The following SKAP1 variants were observed in gnomAD, a reference collection of about 807,000 sequenced individuals.
SKAP1 encodes the protein src kinase associated phosphoprotein 1.
SKAP1 carries 44 observed loss-of-function variants against 58.5 expected under a neutral mutation model. The observed-to-expected ratio is 0.75, with a 90% CI of 0.59 to 0.97. The LOEUF is 0.97. SKAP1 is among the 50% of genes least tolerant of loss of function. The probability of loss-of-function intolerance (pLI) is 0.00; values close to 1 mark genes in which losing one functional copy is unlikely to be tolerated. For synonymous variants in SKAP1, 127 were observed against 149.7 expected (o/e 0.85, Z 1.11); for missense variants, 390 against 435.2 (o/e 0.90, Z 0.92).
intron 4 of SKAP1, among the ~76,000 whole-genome samples, chr17:48,286,318 A>T (rs1398971271): frequency 1.3e-5 from 2 of 152,220 alleles, no homozygotes; most frequent in Non-Finnish European, 2.9e-5. Context: ...AATATATAAC[A>T]AGATTTATTT....
chr17:48,164,395 G>C (rs1217517284), intron 10 of SKAP1, among the ~76,000 whole-genome samples: 1 of 152,140 alleles, frequency 6.6e-6, no homozygotes, highest in South Asian at 2.1e-4. Context: ...GGTTATCTTG[G>C]TCTTTTCTGG....
At chr17:48,233,276 A>G (rs560730435) in intron 4 of SKAP1, among the ~76,000 whole-genome samples, 42 of 152,316 alleles carry the variant, frequency 2.8e-4, no homozygotes, top group African/African-American at 9.1e-4. Context: ...AAATGGGGCT[A>G]CTTTGCAATG....
the SKAP1 span, among the ~76,000 whole-genome samples, chr17:48,439,940 G>C: frequency 6.6e-6 from 1 of 152,074 alleles, no homozygotes; most frequent in Non-Finnish European, 1.5e-5. Flanking sequence ...TACAAACCTG[G>C]CTCTACTAAA....
rs986772677 is a variant in SKAP1 at position 48,430,186 on chromosome 17, G to A, written c.-66C>T. 22 of 1,220,146 alleles carry A rather than the reference G, an allele frequency of 1.8e-5. No homozygotes were observed. The highest frequency in any genetic ancestry group is 2.2e-5 in the Non-Finnish European group (21 of 967,778). 75.6% of individuals were successfully genotyped at this position (1,220,146 alleles called of 1,614,324 possible). On this transcript the variant is annotated 5_prime_UTR_variant, in exon 1 of 13. Coordinates refer to ENST00000336915, the MANE Select transcript of SKAP1 (RefSeq NM_003726.4). The stretch of plus-strand genomic sequence containing the variant: ...GGTCGGGAGGCGGACGGGCTGGAAG[G>A]CGACCCGGCTGCACCGCGAGGCACC...
intron 4 of SKAP1, among the ~76,000 whole-genome samples, chr17:48,336,687 C>T (rs1315636669): frequency 4.4e-5 from 2 of 45,922 alleles, no homozygotes; most frequent in Admixed American, 1.8e-4. Context: ...AGCGTAATCA[C>T]TATATTTGAT....
intron 4 of SKAP1, among the ~76,000 whole-genome samples, chr17:48,283,487 G>T (rs1479769285): frequency 1.3e-5 from 2 of 152,168 alleles, no homozygotes; most frequent in African/African-American, 4.8e-5. Flanking sequence ...TCTGACTCTA[G>T]GTGCTTATAA....
chr17:48,240,698 A>G (rs912727545), intron 4 of SKAP1, among the ~76,000 whole-genome samples: 1 of 152,226 alleles, frequency 6.6e-6, no homozygotes, highest in South Asian at 2.1e-4. Context: ...GTGTTGTTCC[A>G]GTGGAATTAC....
chr17:48,380,796 G>A (rs148114333), intron 2 of SKAP1, among the ~76,000 whole-genome samples: 1 of 152,284 alleles, frequency 6.6e-6, no homozygotes, highest in African/African-American at 2.4e-5. Flanking sequence ...ATGAAACAAA[G>A]TTGAAAGTTG....
chr17:48,139,302 CT>C (rs1418638374), intron 11 of SKAP1, among the ~76,000 whole-genome samples: 13 of 109,194 alleles, frequency 1.2e-4, no homozygotes, highest in Non-Finnish European at 2.7e-4. Context: ...CTGCTTCAGC[CT>C]CCTGAGTAGC....
intron 4 of SKAP1, among the ~76,000 whole-genome samples, chr17:48,313,002 T>A (rs529610532): frequency 6.6e-6 from 1 of 152,214 alleles, no homozygotes; most frequent in African/African-American, 2.4e-5. Context: ...AAATGCTCCA[T>A]TAAGGAGGTA....
intron 4 of SKAP1, among the ~76,000 whole-genome samples, chr17:48,249,695 G>A (rs1056086974): frequency 5.3e-5 from 8 of 150,774 alleles, no homozygotes; most frequent in African/African-American, 9.7e-5. Flanking sequence ...GAAGCCCCCC[G>A]CAAAAACCAC....
chr17:48,442,594 A>G, the SKAP1 span, among the ~76,000 whole-genome samples: 1 of 151,936 alleles, frequency 6.6e-6, no homozygotes, highest in Non-Finnish European at 1.5e-5. Flanking sequence ...TCTCCTTCCA[A>G]CTTCTCTAGG....
chr17:48,442,554 C>A, the SKAP1 span, among the ~76,000 whole-genome samples: 1 of 152,140 alleles, frequency 6.6e-6, no homozygotes, highest in African/African-American at 2.4e-5. Context: ...GACTCCACAA[C>A]CACTTGTCCC....
intron 12 of SKAP1, chr17:48,136,492 C>T (rs1460836818): frequency 6.6e-6 from 1 of 152,042 alleles, no homozygotes; most frequent in Non-Finnish European, 1.5e-5. Flanking sequence ...TTTTATCTTT[C>T]CTGCTGTGCT....
intron 2 of SKAP1, among the ~76,000 whole-genome samples, chr17:48,364,328 A>C (rs2066975238): frequency 2.0e-5 from 3 of 152,148 alleles, no homozygotes; most frequent in South Asian, 2.1e-4. Context: ...ATCATAGCTC[A>C]CTGCAGCCTC....
chr17:48,155,277 G>A (rs1461596006), intron 11 of SKAP1, among the ~76,000 whole-genome samples: 2 of 151,048 alleles, frequency 1.3e-5, no homozygotes, highest in East Asian at 2.1e-4. Context: ...ACAGGCACGC[G>A]CCACCATGCC....
chr17:48,190,854 A>G (rs9915133), intron 4 of SKAP1, among the ~76,000 whole-genome samples: 126,324 of 152,018 alleles, frequency 0.83, 52,552 homozygotes, highest in East Asian at 0.95. Flanking sequence ...GCATGGTGGC[A>G]CACACCTGTA....
chr17:48,364,813 T>C (rs1255549606), intron 2 of SKAP1, among the ~76,000 whole-genome samples: 1 of 152,214 alleles, frequency 6.6e-6, no homozygotes, highest in Non-Finnish European at 1.5e-5. Flanking sequence ...TTGCAGTTCA[T>C]TGTACCATCC....
At chr17:48,167,403 G>A (rs1215432935) in intron 10 of SKAP1, among the ~76,000 whole-genome samples, 1 of 152,052 alleles carries the variant, frequency 6.6e-6, no homozygotes, top group Non-Finnish European at 1.5e-5. Flanking sequence ...CATAATTTTA[G>A]CTGGTTAATA....
Sources: allele counts gnomAD v4.1 joint callset (sites outside exome capture counted in the v4.1 genomes callset), GRCh38; gene constraint gnomAD v4.1.1; transcripts MANE v1.5; gene names NCBI Gene and HGNC (gene_info 2026-07-23, HGNC 2026-07-21).